MED24: variants seen among roughly 807,000 people sequenced by gnomAD.
The protein encoded by MED24 is mediator complex subunit 24.
Under a neutral mutation model 118.8 loss-of-function variants are expected in MED24, and 74 were observed. The ratio of observed to expected loss-of-function variants is 0.62; its 90% CI spans 0.52 to 0.76. MED24 has a LOEUF of 0.76. MED24 is among the 30% of genes least tolerant of loss of function. MED24 has a pLI of 0.00. For synonymous variants in MED24, 521 were observed against 523.9 expected (o/e 0.99, Z 0.08); for missense variants, 1,041 against 1,278.9 (o/e 0.81, Z 2.84).
intron 3 of MED24, among the ~76,000 whole-genome samples, chr17:40,043,895 A>AAAAAAAAAAAACAAAAAAAAAAAC (rs1984843421): frequency 6.6e-6 from 1 of 150,800 alleles, no homozygotes; most frequent in Non-Finnish European, 1.5e-5. Flanking sequence ...CATCTCAAAA[A>AAAAAAAAAAAACAAAAAAAAAAAC]AAAAAAAAAC....
chr17:40,031,347 G>T, intron 11 of MED24, 102 bp from the exon 12 acceptor site: 1 of 1,304,562 alleles, frequency 7.7e-7, no homozygotes. Flanking sequence ...TTCAGGATGA[G>T]GAAAATCTGG....
In MED24 at chr17:40,033,742, G is replaced by T. The variant is rs1308969855; in HGVS notation, c.560-286C>A. ...TATGGCATCACACAGGCTCAGGAGA[G>T]AGAGGCAGAGGGAGGCCAGAATCCA... On this transcript the variant is annotated intron_variant, in intron 6 of 25. Transcript: ENST00000394128. The surrounding 1 kb of genome is among the most constrained non-coding windows in gnomAD (Gnocchi z 5.2). 1 of 565,864 alleles carries T rather than the reference G, an allele frequency of 1.8e-6. No individual in the cohort carries two copies. Among genetic ancestry groups the T allele is most frequent in the Admixed American group, 2.2e-5 (1 of 45,592 alleles). 35.1% of individuals were successfully genotyped at this position (565,864 alleles called of 1,614,324 possible). A position where few individuals can be genotyped will look rare whatever the true frequency, so the allele number is the denominator to read the frequency against.
rs971968609 is a variant in MED24, at chr17:40,054,355, G to A, written c.-38+6C>T. 1 of 152,458 alleles carries A rather than the reference G, an allele frequency of 6.6e-6. No homozygotes were observed. The highest frequency in any genetic ancestry group is 2.4e-5 in the African/African-American group (1 of 41,332). 9.4% of individuals were successfully genotyped at this position (152,458 alleles called of 1,614,324 possible). A position where few individuals can be genotyped will look rare whatever the true frequency, so the allele number is the denominator to read the frequency against. ...TCATCCACCACCTCCCCAAATTTAA[G>A]CCTACCGCACAATCCAGTTCTAGGT... On this transcript the variant is annotated splice_donor_region_variant and intron_variant, in intron 1 of 25. Coordinates refer to ENST00000394128, the MANE Select transcript of MED24 (RefSeq NM_014815.4).
intron 3 of MED24, among the ~76,000 whole-genome samples, chr17:40,044,770 T>C (rs1984974254): frequency 2.0e-5 from 3 of 151,160 alleles, no homozygotes; most frequent in Non-Finnish European, 4.4e-5. Flanking sequence ...TCCCAGCTAC[T>C]TGGGAGGCTG....
intron 18 of MED24, 96 bp downstream of exon 18, chr17:40,026,551 G>C (rs1222615677): frequency 4.0e-6 from 5 of 1,263,808 alleles, no homozygotes; most frequent in Non-Finnish European, 5.6e-6. Flanking sequence ...TGAGCTCCTG[G>C]ATTAAAGGTC....
At chr17:40,036,007 G>A in intron 4 of MED24, 109 bp downstream of exon 4, 2 of 1,298,676 alleles carry the variant, frequency 1.5e-6, no homozygotes. Context: ...CCAGCCAGAG[G>A]CATCATGTGC....
At chr17:40,034,464 C>T (rs1322004980) in intron 6 of MED24, among the ~76,000 whole-genome samples, 2 of 152,136 alleles carry the variant, frequency 1.3e-5, no homozygotes, top group African/African-American at 2.4e-5. Context: ...GTAGGTGGTC[C>T]CAAGCCACTT....
chr17:40,027,672 T>C (rs1013449886), intron 15 of MED24: 2 of 663,430 alleles, frequency 3.0e-6, no homozygotes, highest in Non-Finnish European at 5.2e-6. Flanking sequence ...TCTCCTGGCA[T>C]ACCTAACCAA....
chr17:40,026,722 A>G lies in MED24; in HGVS notation c.1734T>C (p.Cys578=), dbSNP rs1982694210. The G allele has an allele frequency of 6.2e-7, 1 of 1,612,430 alleles. No homozygotes were observed. Among genetic ancestry groups the G allele is most frequent in the African/African-American group, 1.3e-5 (1 of 74,918 alleles). Residue 578 remains cysteine, a synonymous_variant, in exon 18 of 26, where the codon TGT becomes TGC. Transcript: ENST00000394128. ...KLVQMKWHEA[C]LSISAAILEI... ...CCAAGATGGCGGCTGAGATGCTGAG[A>G]CAGGCCTCATGCCACTTCATCTGCC...
intron 12 of MED24, among the ~76,000 whole-genome samples, chr17:40,030,657 TATTTA>T (rs1983250861): frequency 1.1e-5 from 1 of 91,172 alleles, no homozygotes; most frequent in Non-Finnish European, 2.4e-5. Context: ...GATTTTTATT[TATTTA>T]TTTATTTTTT....
rs1394330199 is a variant in MED24 at position 40,032,753 on chromosome 17, T to C, written c.832A>G (p.Thr278Ala). ...TMVKRMQHIP[T>A]PLFVLEIWKA... ...CAGATCTCCAGGACAAAAAGTGGGGTGGGGATATGCTGTGGGAAGAGCCAA... is the reference window on the plus strand; with the variant it reads ...CAGATCTCCAGGACAAAAAGTGGGGCGGGGATATGCTGTGGGAAGAGCCAA... The change falls in exon 9 of 26, where the codon ACC becomes GCC. Residue 278 changes from threonine (T) to alanine (A), a missense_variant. Coordinates refer to ENST00000394128, the MANE Select transcript of MED24 (RefSeq NM_014815.4). 3 of 1,612,966 alleles carry C rather than the reference T, an allele frequency of 1.9e-6. No individual in the cohort carries two copies. The highest frequency in any genetic ancestry group is 2.5e-6 in the Non-Finnish European group (3 of 1,179,708).
intron 3 of MED24, among the ~76,000 whole-genome samples, chr17:40,047,068 A>C (rs899272555): frequency 6.6e-6 from 1 of 151,698 alleles, no homozygotes; most frequent in African/African-American, 2.4e-5. Context: ...TGATCCTGCC[A>C]TTGCACACTC....
chr17:40,020,387 A>G (rs1981822433), intron 23 of MED24, 34 bp from the exon 24 acceptor site: 1 of 1,567,754 alleles, frequency 6.4e-7, no homozygotes, highest in Middle Eastern at 1.7e-4. Flanking sequence ...GCTGGGAAAC[A>G]GCCTGCCGAG....
At chr17:40,028,739 C>T in intron 14 of MED24, 87 bp downstream of exon 14, 4 of 1,557,406 alleles carry the variant, frequency 2.6e-6, no homozygotes, top group Non-Finnish European at 3.5e-6. Flanking sequence ...GAGACCCAGA[C>T]CCAGGCACCT....
chr17:40,036,019 G>T (rs1046060610), intron 4 of MED24, 97 bp downstream of exon 4: 23 of 1,379,036 alleles, frequency 1.7e-5, no homozygotes, highest in South Asian at 1.6e-4. Flanking sequence ...ATCATGTGCT[G>T]CCTATCCAGC....
At chr17:40,036,645 G>A (rs1983968222) in intron 3 of MED24, among the ~76,000 whole-genome samples, 1 of 139,732 alleles carries the variant, frequency 7.2e-6, no homozygotes, top group Admixed American at 7.8e-5. Context: ...CCGAGATTGT[G>A]CCACTGCAGT....
intron 19 of MED24, among the ~76,000 whole-genome samples, chr17:40,024,117 G>C (rs1982367190): frequency 6.6e-6 from 1 of 152,122 alleles, no homozygotes; most frequent in Non-Finnish European, 1.5e-5. Flanking sequence ...TGGTAGGGCG[G>C]GGGGGAAGGT....
chr17:40,030,860 T>C lies in MED24; in HGVS notation c.1154+299A>G, dbSNP rs143978772. Reference sequence around the variant, plus strand: ...TTTTAGTAGACATGGGGTTTTGCCATGTTGGGCAGGCTGGTCTTGAACTCC... The same window carrying C: ...TTTTAGTAGACATGGGGTTTTGCCACGTTGGGCAGGCTGGTCTTGAACTCC... On this transcript the variant is annotated intron_variant, in intron 12 of 25. Coordinates refer to ENST00000394128, the MANE Select transcript of MED24 (RefSeq NM_014815.4). Among the ~76,000 whole-genome samples the C allele has an allele frequency of 2.2e-3, 330 of 151,992 alleles. 2 individuals carry two copies. The highest frequency in any genetic ancestry group is 7.7e-3 in the African/African-American group (319 of 41,450).
intron 3 of MED24, among the ~76,000 whole-genome samples, chr17:40,051,574 A>C (rs542693904): frequency 6.6e-6 from 1 of 151,896 alleles, no homozygotes; most frequent in South Asian, 2.1e-4. Flanking sequence ...AGATCACGCC[A>C]CTGCACTCTA....
Sources: allele counts gnomAD v4.1 joint callset (sites outside exome capture counted in the v4.1 genomes callset), GRCh38; gene constraint gnomAD v4.1.1; non-coding constraint Gnocchi (gnomAD v3.1); transcripts MANE v1.5; gene names NCBI Gene and HGNC (gene_info 2026-07-23, HGNC 2026-07-21).